Variants in DMD observed in about 807,000 individuals in gnomAD.
DMD encodes dystrophin.
DMD carries 63 observed loss-of-function variants against 330.1 expected under a neutral mutation model. The ratio of observed to expected loss-of-function variants is 0.19; its 90% confidence interval spans 0.16 to 0.24. The LOEUF is 0.24. DMD is among the 10% of genes least tolerant of loss of function. The pLI, the probability that DMD is intolerant of heterozygous loss-of-function variation, is 1.00. For missense variants in DMD, 3,344 were observed against 2,684.1 expected, an observed-to-expected ratio of 1.25 and a Z score of -5.43; for synonymous variants, 1,223 against 959.8, an observed-to-expected ratio of 1.27 and a Z score of -5.07.
intron 41 of DMD, among the ~76,000 whole-genome samples, chrX:32,311,825 C>A (rs2097563687): frequency 9.0e-6 from 1 of 111,711 alleles, no homozygotes; most frequent in Non-Finnish European, 1.9e-5. Flanking sequence ...GTGAAATTTT[C>A]ACTGACACAT....
intron 43 of DMD, among the ~76,000 whole-genome samples, chrX:32,247,423 G>GTTGCTCA (rs2097244594): frequency 8.9e-6 from 1 of 111,853 alleles, no homozygotes; most frequent in Admixed American, 9.5e-5. Context: ...TATTGAGCCA[G>GTTGCTCA]ATATGATGGT....
At chrX:31,312,885 C>T (rs1162806610) in intron 62 of DMD, among the ~76,000 whole-genome samples, 6 of 111,050 alleles carry the variant, frequency 5.4e-5, no homozygotes, top group Non-Finnish European at 1.1e-4. Flanking sequence ...TTCTCACTCA[C>T]AAGTGAGAGT....
chrX:31,812,187 A>G (rs1050819429), intron 50 of DMD, among the ~76,000 whole-genome samples: 1 of 110,112 alleles, frequency 9.1e-6, no homozygotes, highest in Non-Finnish European at 1.9e-5. Flanking sequence ...TGTAGAGGTG[A>G]GTGAAGTTCA....
chrX:31,598,864 T>C (rs945789713), intron 55 of DMD, among the ~76,000 whole-genome samples: 3 of 112,348 alleles, frequency 2.7e-5, no homozygotes, highest in Non-Finnish European at 5.6e-5. Context: ...TAAATTCTTA[T>C]AAAGTTTAAC....
At chrX:31,792,328 G>A (rs979918353) in intron 50 of DMD, among the ~76,000 whole-genome samples, 2 of 112,108 alleles carry the variant, frequency 1.8e-5, no homozygotes, top group African/African-American at 6.5e-5. Flanking sequence ...TTATTTCTTA[G>A]TATATCACAT....
chrX:33,090,436 T>C (rs1353147214), intron 1 of DMD, among the ~76,000 whole-genome samples: 2 of 108,159 alleles, frequency 1.8e-5, no homozygotes, highest in Admixed American at 1.0e-4. Flanking sequence ...ATTATATATA[T>C]ACATTTCTTT....
chrX:33,283,368 G>A (rs886226116), intron 1 of DMD, among the ~76,000 whole-genome samples: 3 of 110,493 alleles, frequency 2.7e-5, no homozygotes, highest in East Asian at 2.9e-4. Context: ...GTGAAACCCC[G>A]TCTCTACTAA....
chrX:32,259,121 C>T (rs57708427), intron 43 of DMD, among the ~76,000 whole-genome samples: 1,659 of 110,139 alleles, frequency 0.015, 25 homozygotes, highest in African/African-American at 0.051. Context: ...AGATAACATA[C>T]TAAATCTTGT....
intron 4 of DMD, among the ~76,000 whole-genome samples, chrX:32,840,104 T>C (rs1443775693): frequency 8.9e-6 from 1 of 112,240 alleles, no homozygotes; most frequent in Non-Finnish European, 1.9e-5. Context: ...GAGAATGTCT[T>C]GAGGTTTTGT....
chrX:33,293,666 C>G (rs1207511146), intron 1 of DMD, among the ~76,000 whole-genome samples: 1 of 111,325 alleles, frequency 9.0e-6, no homozygotes, highest in Non-Finnish European at 1.9e-5. Flanking sequence ...TCTCTCGATA[C>G]CTGCCTCTAG....
intron 2 of DMD, among the ~76,000 whole-genome samples, chrX:32,884,953 T>C (rs2149223774): frequency 8.9e-6 from 1 of 112,078 alleles, no homozygotes; most frequent in African/African-American, 3.2e-5. Flanking sequence ...TAGTACATAT[T>C]TAACTGTATT....
rs754815395 is a variant in DMD at position 31,446,887 on chromosome X, G to A, written c.8938-2260C>T. Among the ~76,000 whole-genome samples the A allele has an allele frequency of 7.2e-5, 8 of 111,737 alleles. No individual in the cohort carries two copies. The East Asian group carries it at 2.3e-3, about 31-fold the overall frequency. On this transcript the variant is annotated intron_variant, in intron 59 of 78. Transcript: ENST00000357033. The stretch of plus-strand genomic sequence containing the variant: ...AACTGTAAACAGGAACCTCTGCAGA[G>A]AGGGCAAGCCAGCAGGCAGCATCTT...
chrX:32,835,493 C>A (rs1340064548), intron 4 of DMD, among the ~76,000 whole-genome samples: 1 of 112,771 alleles, frequency 8.9e-6, no homozygotes, highest in East Asian at 2.8e-4. Context: ...AAAGTTATCA[C>A]TGCACTTAGA....
chrX:32,495,201 C>A lies in DMD; in HGVS notation c.2381-3683G>T, dbSNP rs146787490. ...TATTAATTCATTGTGAATATGCTGC[C>A]TGCTCAACAAGGGCATAAACTGTCC... is the stretch of plus-strand genomic sequence containing the variant. On this transcript the variant is annotated intron_variant, in intron 19 of 78. Transcript: ENST00000357033. Among the ~76,000 whole-genome samples the A allele has an allele frequency of 3.6e-5, 4 of 111,850 alleles. No individual in the cohort carries two copies. The East Asian group carries it at 1.1e-3, about 31-fold the overall frequency.
intron 62 of DMD, among the ~76,000 whole-genome samples, chrX:31,278,120 T>G (rs1463876392): frequency 9.0e-6 from 1 of 111,419 alleles, no homozygotes; most frequent in Non-Finnish European, 1.9e-5. Context: ...GAAAAAGATT[T>G]ACAGATATAG....
At chrX:33,016,771 A>G (rs978265974) in intron 2 of DMD, among the ~76,000 whole-genome samples, 1 of 111,821 alleles carries the variant, frequency 8.9e-6, no homozygotes. Context: ...ATTTTTTCCC[A>G]TAAAATTTTT....
At chrX:32,456,620 G>GTA (rs1179636010) in intron 25 of DMD, among the ~76,000 whole-genome samples, 42 of 91,824 alleles carry the variant, frequency 4.6e-4, no homozygotes, top group African/African-American at 1.1e-3. Context: ...GTGTGTGTAT[G>GTA]TGTGTGTGTG....
At chrX:32,340,891 G>A (rs937892767) in intron 41 of DMD, among the ~76,000 whole-genome samples, 2 of 111,378 alleles carry the variant, frequency 1.8e-5, no homozygotes, top group African/African-American at 6.5e-5. Flanking sequence ...GCTATTTCTC[G>A]TATTCTTCCA....
At chrX:32,679,222 A>G (rs2062189552) in intron 9 of DMD, among the ~76,000 whole-genome samples, 1 of 111,982 alleles carries the variant, frequency 8.9e-6, no homozygotes, top group African/African-American at 3.2e-5. Flanking sequence ...ATGATATGGT[A>G]TAATTGGAGT....
Sources: gnomAD v4.1 joint callset for allele counts (sites outside exome capture counted in the v4.1 genomes callset) on GRCh38, gnomAD v4.1.1 for gene constraint, MANE v1.5 for transcripts, NCBI Gene and HGNC (gene_info 2026-07-23, HGNC 2026-07-21) for gene names.